MAF: variants seen among roughly 807,000 people sequenced by gnomAD.
MAF encodes the protein transcription factor Maf.
In MAF, 10 loss-of-function variants were observed where a neutral mutation model predicts 22.0. The ratio of observed to expected loss-of-function variants is 0.45; its 90% CI spans 0.28 to 0.77. MAF has a LOEUF of 0.77. MAF is among the 30% of genes least tolerant of loss of function. MAF has a pLI of 0.12. For synonymous variants in MAF, 337 were observed against 255.8 expected, an observed-to-expected ratio of 1.32 and a Z score of -3.03; for missense variants, 544 against 548.4, an observed-to-expected ratio of 0.99 and a Z score of 0.08.
chr16:79,203,327 A>G, the MAF span: 3 of 152,204 alleles, frequency 2.0e-5, no homozygotes, highest in African/African-American at 7.2e-5. Context: ...CTGTATGGAA[A>G]TCCACACACC....
chr16:79,582,660 A>G (rs1039296505), downstream of MAF, among the ~76,000 whole-genome samples: 5 of 152,136 alleles, frequency 3.3e-5, no homozygotes, highest in Non-Finnish European at 7.3e-5. Flanking sequence ...AACAATAACA[A>G]AAAAACAATT....
the MAF span, among the ~76,000 whole-genome samples, chr16:79,246,872 T>A: frequency 6.6e-6 from 1 of 151,378 alleles, no homozygotes; most frequent in African/African-American, 2.5e-5. Flanking sequence ...ATTTTCCATC[T>A]ACCTTTCAAT....
the MAF span, among the ~76,000 whole-genome samples, chr16:79,237,161 A>G: frequency 6.6e-6 from 1 of 152,034 alleles, no homozygotes; most frequent in South Asian, 2.1e-4. Context: ...CAGATGAAAT[A>G]ATAATTTTTA....
At chr16:79,288,878 C>T in the MAF span, among the ~76,000 whole-genome samples, 2 of 152,122 alleles carry the variant, frequency 1.3e-5, no homozygotes, top group South Asian at 2.1e-4. Context: ...CACAGGCACG[C>T]ACCACCATGC....
the MAF span, among the ~76,000 whole-genome samples, chr16:79,533,926 C>G: frequency 6.6e-6 from 1 of 152,144 alleles, no homozygotes; most frequent in Admixed American, 6.5e-5. Flanking sequence ...TCCAGGGTGC[C>G]CAGAGACAAC....
At chr16:79,375,345 T>C in the MAF span, among the ~76,000 whole-genome samples, 1 of 152,140 alleles carries the variant, frequency 6.6e-6, no homozygotes, top group Non-Finnish European at 1.5e-5. Flanking sequence ...AAGTTCCACA[T>C]TGTTGTTCTT....
the MAF span, among the ~76,000 whole-genome samples, chr16:79,510,577 C>T: frequency 6.6e-6 from 1 of 152,068 alleles, no homozygotes; most frequent in Admixed American, 6.5e-5. Flanking sequence ...GGCAGTTGCT[C>T]ATCAAAGGGA....
the MAF span, among the ~76,000 whole-genome samples, chr16:79,311,529 C>T: frequency 1.3e-5 from 2 of 151,600 alleles, no homozygotes; most frequent in Non-Finnish European, 2.9e-5. Flanking sequence ...TATGTCTGCC[C>T]TCAGCTGCTT....
chr16:79,430,131 C>T, the MAF span, among the ~76,000 whole-genome samples: 20 of 152,226 alleles, frequency 1.3e-4, no homozygotes, highest in Non-Finnish European at 2.6e-4. Flanking sequence ...TTCAGCTCTC[C>T]ACTCACTGCT....
intron 1 of MAF, chr16:79,596,617 A>G: frequency 9.6e-7 from 1 of 1,038,856 alleles, no homozygotes; most frequent in Non-Finnish European, 1.2e-6. Context: ...GCACAGCAAA[A>G]TATGTAAAAG....
At chr16:79,359,387 G>A in the MAF span, among the ~76,000 whole-genome samples, 2 of 152,120 alleles carry the variant, frequency 1.3e-5, no homozygotes, top group African/African-American at 4.8e-5. Flanking sequence ...TTCTCTGATG[G>A]GATGCCAGTA....
the MAF span, among the ~76,000 whole-genome samples, chr16:79,343,666 G>T: frequency 6.6e-6 from 1 of 152,186 alleles, no homozygotes; most frequent in Non-Finnish European, 1.5e-5. Context: ...TATATTAGCA[G>T]ACTCCTGACT....
chr16:79,389,119 G>C, the MAF span, among the ~76,000 whole-genome samples: 1 of 152,164 alleles, frequency 6.6e-6, no homozygotes, highest in African/African-American at 2.4e-5. Context: ...GCAAACATTT[G>C]AACAGACTCA....
the MAF span, among the ~76,000 whole-genome samples, chr16:79,392,687 G>T: frequency 4.3e-4 from 66 of 152,090 alleles, no homozygotes; most frequent in Non-Finnish European, 9.3e-4. Flanking sequence ...GGAAGAGGGT[G>T]AGACTTAGAG....
the MAF span, chr16:79,211,703 C>G: frequency 1.2e-6 from 2 of 1,614,232 alleles, no homozygotes; most frequent in Non-Finnish European, 8.5e-7. Context: ...GCTGCATGCC[C>G]TCACCAGAAG....
chr16:79,209,682 G>A, the MAF span, among the ~76,000 whole-genome samples: 1 of 152,180 alleles, frequency 6.6e-6, no homozygotes, highest in Admixed American at 6.5e-5. Context: ...AGAACTCTAA[G>A]ATTCCAGGCC....
At chr16:79,317,936 AC>A in the MAF span, among the ~76,000 whole-genome samples, 15 of 133,672 alleles carry the variant, frequency 1.1e-4, no homozygotes, top group African/African-American at 4.9e-4. Context: ...TCACTCACTC[AC>A]TCACTCACTC....
chr16:79,597,991 C>G, intron 1 of MAF: 2 of 1,041,522 alleles, frequency 1.9e-6, no homozygotes, highest in Non-Finnish European at 2.3e-6. Context: ...AAGGTTGATG[C>G]AGGCTTGATT....
At chr16:79,366,566 G>C in the MAF span, among the ~76,000 whole-genome samples, 4 of 152,136 alleles carry the variant, frequency 2.6e-5, no homozygotes, top group African/African-American at 4.8e-5. Context: ...CTTGCAGTTA[G>C]GTGTACCTGT....
Sources: gnomAD v4.1 joint callset for allele counts (sites outside exome capture counted in the v4.1 genomes callset) on GRCh38, gnomAD v4.1.1 for gene constraint, MANE v1.5 for transcripts, NCBI Gene and HGNC (gene_info 2026-07-23, HGNC 2026-07-21) for gene names.